ABLIM1: variants seen among roughly 807,000 people sequenced by gnomAD.
ABLIM1 encodes the protein actin-binding LIM protein 1.
A neutral mutation model predicts 107.0 loss-of-function variants in ABLIM1; 40 were observed. That is an observed-to-expected ratio of 0.37 (90% CI 0.29 to 0.49). ABLIM1 has a LOEUF of 0.49. Ranked by LOEUF, ABLIM1 falls within the 20% of genes least tolerant of loss-of-function variation. The pLI is 0.97. For synonymous variants in ABLIM1, 357 were observed against 357.3 expected (o/e 1.00, Z 0.01); for missense variants, 857 against 1,008.5 (o/e 0.85, Z 2.04).
At chr10:114,559,133 T>C (rs1241876717) in intron 4 of ABLIM1, among the ~76,000 whole-genome samples, 1 of 152,100 alleles carries the variant, frequency 6.6e-6, no homozygotes, top group Non-Finnish European at 1.5e-5. Context: ...CTCACATCAT[T>C]TCTGAGGATG....
At chr10:114,721,632 C>T (rs964764169) in intron 1 of ABLIM1, among the ~76,000 whole-genome samples, 36 of 152,070 alleles carry the variant, frequency 2.4e-4, no homozygotes, top group African/African-American at 8.2e-4. Context: ...CAGGCATGCA[C>T]CACTACGTCT....
chr10:114,793,824 T>A, the ABLIM1 span, among the ~76,000 whole-genome samples: 992 of 152,346 alleles, frequency 6.5e-3, 29 homozygotes, highest in East Asian at 0.099. Context: ...TCCCTCTGTC[T>A]ATTACCAGGG....
intron 4 of ABLIM1, among the ~76,000 whole-genome samples, chr10:114,564,177 C>T (rs1191375583): frequency 1.3e-5 from 2 of 151,734 alleles, no homozygotes; most frequent in Non-Finnish European, 2.9e-5. Flanking sequence ...CATCCCTGGA[C>T]CCGGCCTCGT....
At chr10:114,636,914 T>C (rs1453517852) in intron 1 of ABLIM1, among the ~76,000 whole-genome samples, 2 of 151,570 alleles carry the variant, frequency 1.3e-5, no homozygotes, top group East Asian at 3.9e-4. Context: ...GCACCTGTAA[T>C]CTCAAATACT....
At chr10:114,526,889 G>C (rs1019923222) in intron 6 of ABLIM1, 16 of 985,370 alleles carry the variant, frequency 1.6e-5, no homozygotes, top group Non-Finnish European at 1.9e-5. Context: ...AGCCCCGTGT[G>C]CGGCGGGCAG....
Position 114,436,113 on chromosome 10 carries a change from A to G in ABLIM1, c.*147T>C. 1 of 620,856 alleles carries G rather than the reference A, an allele frequency of 1.6e-6. No homozygotes were observed. Among genetic ancestry groups the G allele is most frequent in the East Asian group, 2.8e-5 (1 of 36,310 alleles). 38.5% of individuals were successfully genotyped at this position (620,856 alleles called of 1,614,324 possible). A position where few individuals can be genotyped will look rare whatever the true frequency, so the allele number is the denominator to read the frequency against. ...TGTTGGCTGGCCCGACATTTGACTC[A>G]TGGTGTTTTAACCAGACTTTCTCTT... On this transcript the variant is annotated 3_prime_UTR_variant, in exon 23 of 23. Transcript: ENST00000533213.
intron 6 of ABLIM1, among the ~76,000 whole-genome samples, 178 bp from the exon 7 acceptor site, chr10:114,492,056 C>A (rs762285394): frequency 6.6e-6 from 1 of 151,928 alleles, no homozygotes; most frequent in African/African-American, 2.4e-5. Context: ...TCACTGAAAT[C>A]GGGAGGGGCT....
chr10:114,691,823 T>C (rs1383466063), intron 1 of ABLIM1, among the ~76,000 whole-genome samples: 1 of 151,772 alleles, frequency 6.6e-6, no homozygotes, highest in South Asian at 2.1e-4. Flanking sequence ...ATTCCACACA[T>C]AGCTTCACCC....
At chr10:114,625,427 C>T (rs1326015943) in intron 1 of ABLIM1, among the ~76,000 whole-genome samples, 1 of 152,158 alleles carries the variant, frequency 6.6e-6, no homozygotes, top group African/African-American at 2.4e-5. Context: ...GGCAGCAACA[C>T]TTCACAGCTC....
At chr10:114,646,811 C>T (rs2079030249) in intron 1 of ABLIM1, among the ~76,000 whole-genome samples, 3 of 152,096 alleles carry the variant, frequency 2.0e-5, no homozygotes, top group Admixed American at 2.0e-4. Context: ...GTGTTGGATC[C>T]TGTTTGCATC....
At chr10:114,576,286 G>A (rs1324355298) in intron 2 of ABLIM1, among the ~76,000 whole-genome samples, 1 of 152,164 alleles carries the variant, frequency 6.6e-6, no homozygotes, top group Non-Finnish European at 1.5e-5. Flanking sequence ...GTGGGAGCTT[G>A]GGCCTGGTCT....
chr10:114,600,270 T>A (rs1022323514), intron 2 of ABLIM1, among the ~76,000 whole-genome samples: 2 of 152,130 alleles, frequency 1.3e-5, no homozygotes, highest in African/African-American at 4.8e-5. Context: ...GGGTGAAAAC[T>A]GGGGTTTATC....
In ABLIM1 at chr10:114,434,766, C is replaced by G. The variant is rs1398993122; in HGVS notation, c.*1494G>C. The G allele has an allele frequency of 2.0e-5, 3 of 152,104 alleles. No individual in the cohort carries two copies. The highest frequency in any genetic ancestry group is 7.2e-5 in the African/African-American group (3 of 41,420). The allele number at this position is 152,104 out of a possible 1,614,324, so 9.4% of individuals were successfully genotyped here. A position where few individuals can be genotyped will look rare whatever the true frequency, so the allele number is the denominator to read the frequency against. On this transcript the variant is annotated 3_prime_UTR_variant, in exon 23 of 23. Coordinates refer to ENST00000533213, the MANE Select transcript of ABLIM1 (RefSeq NM_002313.7). Reference sequence around the variant, plus strand: ...CATGATGTGGTTTCATATGCACGCACGTGTTGGGGAAACCCTAGGCTCATA... The same window carrying G: ...CATGATGTGGTTTCATATGCACGCAGGTGTTGGGGAAACCCTAGGCTCATA...
upstream of ABLIM1, among the ~76,000 whole-genome samples, chr10:114,662,065 C>T (rs2079819114): frequency 6.6e-6 from 1 of 152,140 alleles, no homozygotes; most frequent in Non-Finnish European, 1.5e-5. Context: ...GTATCCCCTC[C>T]CTGCTTAAAT....
chr10:114,507,123 G>A (rs555935287), intron 6 of ABLIM1, among the ~76,000 whole-genome samples: 1 of 152,302 alleles, frequency 6.6e-6, no homozygotes, highest in African/African-American at 2.4e-5. Context: ...GAATATTGGA[G>A]CAGTCAGAAA....
chr10:114,433,687 T>C lies in ABLIM1; in HGVS notation c.*2573A>G, dbSNP rs909151859. 6.6e-6 allele frequency: 1 copy of C among 152,210 alleles called. No individual in the cohort carries two copies. Among genetic ancestry groups the C allele is most frequent in the African/African-American group, 2.4e-5 (1 of 41,446 alleles). 9.4% of individuals were successfully genotyped at this position (152,210 alleles called of 1,614,324 possible). A position where few individuals can be genotyped will look rare whatever the true frequency, so the allele number is the denominator to read the frequency against. On this transcript the variant is annotated 3_prime_UTR_variant, in exon 23 of 23. Coordinates refer to ENST00000533213, the MANE Select transcript of ABLIM1 (RefSeq NM_002313.7). ...GTTCAGTTCTTTATCACTGCAATCTTAGGCAGGCCCCTTAACTCCTAGTCT... is the reference window on the plus strand; with the variant it reads ...GTTCAGTTCTTTATCACTGCAATCTCAGGCAGGCCCCTTAACTCCTAGTCT...
chr10:114,778,379 A>C, the ABLIM1 span: 4 of 152,260 alleles, frequency 2.6e-5, no homozygotes, highest in Non-Finnish European at 5.9e-5. Flanking sequence ...ACAACAACAA[A>C]AAATCTCTCA....
chr10:114,567,986 C>T (rs1018495658), intron 4 of ABLIM1, among the ~76,000 whole-genome samples: 2 of 151,348 alleles, frequency 1.3e-5, no homozygotes, highest in Non-Finnish European at 1.5e-5. Context: ...GTCAGGAGAT[C>T]GAGACCATCC....
chr10:114,748,708 G>A (rs1226663674), intron 1 of ABLIM1, among the ~76,000 whole-genome samples: 1 of 147,728 alleles, frequency 6.8e-6, no homozygotes, highest in Non-Finnish European at 1.5e-5. Context: ...CCAGACTGGA[G>A]TGCAGTGACA....
Sources: allele counts gnomAD v4.1 joint callset (sites outside exome capture counted in the v4.1 genomes callset), GRCh38; gene constraint gnomAD v4.1.1; transcripts MANE v1.5; gene names NCBI Gene and HGNC (gene_info 2026-07-23, HGNC 2026-07-21).